MYT1: variants seen among roughly 807,000 people sequenced by gnomAD.
MYT1 encodes myelin transcription factor 1.
In MYT1, 23 loss-of-function variants were observed where a neutral mutation model predicts 123.0. The observed-to-expected ratio is 0.19, with a 90% confidence interval of 0.13 to 0.26. The LOEUF (loss-of-function observed/expected upper bound fraction) is 0.26. Ranked by LOEUF, MYT1 falls within the 10% of genes least tolerant of loss-of-function variation. The pLI, the probability that MYT1 is intolerant of heterozygous loss-of-function variation, is 1.00. For synonymous variants in MYT1, 518 were observed against 575.3 expected, an observed-to-expected ratio of 0.90 and a Z score of 1.43; for missense variants, 1,125 against 1,472.5, an observed-to-expected ratio of 0.76 and a Z score of 3.86.
chr20:64,210,775 C>T (rs969330830), intron 7 of MYT1, among the ~76,000 whole-genome samples: 4 of 152,240 alleles, frequency 2.6e-5, no homozygotes, highest in Admixed American at 2.6e-4. Context: ...ATTAGTCATG[C>T]AGCCTTGGAT....
In MYT1 at chr20:64,217,123, A is replaced by T. The variant is rs760242240; in HGVS notation, c.1688A>T (p.Asn563Ile). The T allele has an allele frequency of 1.2e-6, 2 of 1,613,946 alleles. No individual in the cohort carries two copies. The highest frequency in any genetic ancestry group is 2.2e-5 in the South Asian group (2 of 91,088). ...CCTCCATATGGGAGCTACCGGCCCAACGTGGCCCCCGCCACACCCAGGGCC... is the reference window on the plus strand; with the variant it reads ...CCTCCATATGGGAGCTACCGGCCCATCGTGGCCCCCGCCACACCCAGGGCC... ...EVPPYGSYRP[N>I]VAPATPRANL... The change falls in exon 11 of 23, where the codon AAC (asparagine) becomes ATC (isoleucine). Residue 563 changes from asparagine to isoleucine, a missense_variant. Coordinates refer to ENST00000328439, the MANE Select transcript of MYT1 (RefSeq NM_004535.3).
In MYT1 at chr20:64,205,783, G is replaced by C; in HGVS notation, c.380G>C (p.Arg127Pro). ...AETSGQDEIH[R>P]PETAEGRSPV... ...ACGTCAGGACAGGACGAGATTCATC[G>C]CCCCGAGACAGCTGAAGGTGCTTTG... Residue 127 changes from arginine to proline, a missense_variant, in exon 6 of 23, where the codon CGC becomes CCC. Arg to Pro is a moderately radical substitution (Grantham distance 103). Transcript: ENST00000328439. 6.2e-7 allele frequency: 1 copy of C among 1,613,982 alleles called. No individual in the cohort carries two copies. The highest frequency in any genetic ancestry group is 8.5e-7 in the Non-Finnish European group (1 of 1,179,978).
In MYT1 at chr20:64,240,365, A is replaced by G. The variant is rs1304123380; in HGVS notation, c.3283A>G (p.Thr1095Ala). 1 of 1,613,836 alleles carries G rather than the reference A, an allele frequency of 6.2e-7. No homozygotes were observed. Among genetic ancestry groups the G allele is most frequent in the East Asian group, 2.2e-5 (1 of 44,894 alleles). ...TTTCGATGCCTATGTGAGCACCCTCACCGACATGTACTCCAACCAGGACCC... is the reference window on the plus strand; with the variant it reads ...TTTCGATGCCTATGTGAGCACCCTCGCCGACATGTACTCCAACCAGGACCC... Reference protein sequence around the residue: ...QNFDAYVSTLTDMYSNQDPEN... With the variant: ...QNFDAYVSTLADMYSNQDPEN... The change falls in exon 23 of 23, where the codon ACC (threonine) becomes GCC (alanine). Residue 1095 changes from threonine (T) to alanine (A), a missense_variant. By Grantham distance (58) the Thr-to-Ala change is moderately conservative (BLOSUM62 0). Coordinates refer to ENST00000328439, the MANE Select transcript of MYT1 (RefSeq NM_004535.3).
rs1372332490 is a variant in MYT1, at chr20:64,193,516, C to CAGTACAT, written c.-1+3358_-1+3364dup. 6.6e-5 allele frequency among the ~76,000 whole-genome samples: 10 copies of CAGTACAT among 152,176 alleles called. No homozygotes were observed. The highest frequency in any genetic ancestry group is 1.9e-4 in the African/African-American group (8 of 41,434). On this transcript the variant is annotated intron_variant, in intron 2 of 22. Coordinates refer to ENST00000328439, the MANE Select transcript of MYT1 (RefSeq NM_004535.3). This position sits in a 1 kb window ranked among gnomAD's most constrained non-coding sequence, Gnocchi z 4.0. ...GTGACAGGGAAGTTGATGCTGCCCT[C>CAGTACAT]AGTACATAAATGAGAGAAGAAAACA...
Position 64,232,993 on chromosome 20 carries a change from T to C in MYT1, c.2897+608T>C, listed in dbSNP as rs1399325915. 6.6e-6 allele frequency among the ~76,000 whole-genome samples: 1 copy of C among 151,642 alleles called. No homozygotes were observed. The highest frequency in any genetic ancestry group is 1.5e-5 in the Non-Finnish European group (1 of 67,882). ...AGGACCTTGCTTCACCAGCCCCACT[T>C]CCTGTCTGTGTCCTATGGTGACAAT... On this transcript the variant is annotated intron_variant, in intron 19 of 22. Coordinates refer to ENST00000328439, the MANE Select transcript of MYT1 (RefSeq NM_004535.3). The surrounding 1 kb of genome is among the most constrained non-coding windows in gnomAD (Gnocchi z 6.9).
intron 16 of MYT1, among the ~76,000 whole-genome samples, chr20:64,226,049 G>A (rs1049230799): frequency 2.6e-5 from 4 of 152,180 alleles, no homozygotes; most frequent in Admixed American, 6.5e-5. Flanking sequence ...CTTGCCCACC[G>A]CACTGAACCT....
intron 22 of MYT1, 71 bp downstream of exon 22, chr20:64,239,974 G>T (rs190718988): frequency 2.5e-6 from 4 of 1,575,678 alleles, no homozygotes; most frequent in African/African-American, 1.3e-5. Context: ...GGAGGGCAGG[G>T]CATCTCCCAC....
chr20:64,234,899 G>A (rs1290150187), intron 19 of MYT1, among the ~76,000 whole-genome samples: 5 of 149,756 alleles, frequency 3.3e-5, no homozygotes, highest in African/African-American at 1.2e-4. Flanking sequence ...GGGTGACACT[G>A]GGCTGGTGGT....
Position 64,192,413 on chromosome 20 carries a change from G to A in MYT1, c.-1+2253G>A, listed in dbSNP as rs558646548. 3.9e-4 allele frequency among the ~76,000 whole-genome samples: 60 copies of A among 152,306 alleles called. 1 individual carries two copies. In the Middle Eastern group the frequency reaches 0.01, roughly 26 times the overall value. On this transcript the variant is annotated intron_variant, in intron 2 of 22. Transcript: ENST00000328439. This position sits in a 1 kb window ranked among gnomAD's most constrained non-coding sequence, Gnocchi z 5.3. ...GTGGCAGCAGAGGGCATAAGCCGTG[G>A]TCACAGTGTGAGAATGTCACACAGC...
In MYT1 at chr20:64,227,438, G is replaced by T; in HGVS notation, c.2552G>T (p.Gly851Val). ...AGGTGCCCCACGCCCGGCTGTGACG[G>T]CTCTGGCCACATCACAGGGAACTAC... ...DLKCPTPGCD[G>V]SGHITGNYAS... is the part of the protein sequence containing the mutation. The change falls in exon 17 of 23, where the codon GGC (glycine) becomes GTC (valine). Residue 851 changes from glycine (G) to valine (V), a missense_variant. By Grantham distance (109) the Gly-to-Val change is moderately radical (BLOSUM62 -3). Coordinates refer to ENST00000328439, the MANE Select transcript of MYT1 (RefSeq NM_004535.3). 6.2e-7 allele frequency: 1 copy of T among 1,612,788 alleles called. No individual in the cohort carries two copies. Among genetic ancestry groups the T allele is most frequent in the Non-Finnish European group, 8.5e-7 (1 of 1,179,852 alleles).
chr20:64,211,133 T>G, intron 7 of MYT1, 73 bp from the exon 8 acceptor site: 123 of 1,512,104 alleles, frequency 8.1e-5, no homozygotes, highest in Non-Finnish European at 9.9e-5. Context: ...AGAGGGTTCC[T>G]GAGCTACCCC....
At chr20:64,236,046 GGTC>G (rs1390175497) in intron 19 of MYT1, among the ~76,000 whole-genome samples, 33 of 106,494 alleles carry the variant, frequency 3.1e-4, no homozygotes, top group Non-Finnish European at 4.9e-4. Context: ...ACCCTGGGAT[GGTC>G]GCGGTGGGTG....
At chr20:64,195,784 T>C (rs779837896) in intron 2 of MYT1, among the ~76,000 whole-genome samples, 1 of 152,184 alleles carries the variant, frequency 6.6e-6, no homozygotes, top group Non-Finnish European at 1.5e-5. Context: ...AAAAACACAC[T>C]TTTGAGGAGA....
chr20:64,207,081 G>A lies in MYT1; in HGVS notation c.398-513G>A, dbSNP rs548759792. 1.2e-4 allele frequency among the ~76,000 whole-genome samples: 19 copies of A among 152,144 alleles called. 1 individual carries two copies. Among genetic ancestry groups the A allele is most frequent in the South Asian group, 6.3e-4 (3 of 4,798 alleles). On this transcript the variant is annotated intron_variant, in intron 6 of 22. Coordinates refer to ENST00000328439, the MANE Select transcript of MYT1 (RefSeq NM_004535.3). The stretch of plus-strand genomic sequence containing the variant: ...GTATTTTTAGTAGAGACAGGGTTTC[G>A]CCATGTTGACCAGGCTGGTCTTGAA...
At chr20:64,207,013 A>G (rs1983503814) in intron 6 of MYT1, among the ~76,000 whole-genome samples, 1 of 152,160 alleles carries the variant, frequency 6.6e-6, no homozygotes, top group Non-Finnish European at 1.5e-5. Flanking sequence ...TTCAAGGAAT[A>G]GCTGGGACTA....
chr20:64,180,480 G>A (rs780379691), intron 1 of MYT1, among the ~76,000 whole-genome samples: 1 of 152,152 alleles, frequency 6.6e-6, no homozygotes, highest in South Asian at 2.1e-4. Flanking sequence ...CTCCACACAA[G>A]TGCTGACCCC....
intron 1 of MYT1, among the ~76,000 whole-genome samples, chr20:64,187,149 G>A (rs1283322242): frequency 1.4e-5 from 2 of 146,346 alleles, no homozygotes; most frequent in East Asian, 2.1e-4. Flanking sequence ...CCACGTTTCC[G>A]TGGAGAGTTT....
chr20:64,201,445 C>T (rs1237640325), intron 4 of MYT1, among the ~76,000 whole-genome samples: 3 of 144,976 alleles, frequency 2.1e-5, no homozygotes. Context: ...ACAATAATTT[C>T]TTCAGCAATT....
At position 64,239,620 on chromosome 20, in the gene MYT1, C is replaced by A. The variant is rs934621273; in HGVS notation, c.3094-140C>A. 1.5e-5 allele frequency: 18 copies of A among 1,223,338 alleles called. No individual in the cohort carries two copies. The South Asian group carries it at 2.2e-4, about 15-fold the overall frequency. 75.8% of individuals were successfully genotyped at this position (1,223,338 alleles called of 1,614,324 possible). On this transcript the variant is annotated intron_variant, in intron 21 of 22. Coordinates refer to ENST00000328439, the MANE Select transcript of MYT1 (RefSeq NM_004535.3). ...CCCTCACCTGTGGCAGAACCCCCTA[C>A]AGGAAGGCAGGGTCCCTGCCTCTTC... is the stretch of plus-strand genomic sequence containing the variant.
Sources: gnomAD v4.1 joint callset for allele counts (sites outside exome capture counted in the v4.1 genomes callset) on GRCh38, gnomAD v4.1.1 for gene constraint, Gnocchi (gnomAD v3.1) non-coding constraint, MANE v1.5 for transcripts, NCBI Gene and HGNC (gene_info 2026-07-23, HGNC 2026-07-21) for gene names.